Variants in HERC1 observed in about 807,000 individuals in gnomAD.
HERC1 encodes probable E3 ubiquitin-protein ligase HERC1.
Under a neutral mutation model 554.3 loss-of-function variants are expected in HERC1, and 160 were observed. That is an observed-to-expected ratio of 0.29 (90% CI 0.25 to 0.33). The LOEUF is 0.33. HERC1 is among the 10% of genes least tolerant of loss of function. The probability of loss-of-function intolerance (pLI) is 1.00; values close to 1 mark genes in which losing one functional copy is unlikely to be tolerated. For missense variants in HERC1, 4,919 were observed against 5,918.5 expected (o/e 0.83, Z 5.54); for synonymous variants, 2,175 against 2,131.7 (o/e 1.02, Z -0.56).
At chr15:63,721,548 G>A (rs1394954130) in intron 19 of HERC1, among the ~76,000 whole-genome samples, 2 of 151,976 alleles carry the variant, frequency 1.3e-5, no homozygotes, top group Admixed American at 1.3e-4. Flanking sequence ...ACAAAAAAAA[G>A]ATGAGATTAA....
intron 1 of HERC1, among the ~76,000 whole-genome samples, chr15:63,832,198 CTT>C (rs1219679540): frequency 1.3e-5 from 2 of 152,106 alleles, no homozygotes; most frequent in Non-Finnish European, 2.9e-5. Context: ...CTAATGCTAT[CTT>C]TTCTCAAATA....
rs530740922 is a variant in HERC1, at chr15:63,799,333, T to C, written c.-26-23684A>G. Among the ~76,000 whole-genome samples, 28 of 151,964 alleles carry C rather than the reference T, an allele frequency of 1.8e-4. No homozygotes were observed. In the South Asian group the frequency reaches 5.8e-3, roughly 32 times the overall value. On this transcript the variant is annotated intron_variant, in intron 1 of 77. Coordinates refer to ENST00000443617, the MANE Select transcript of HERC1 (RefSeq NM_003922.4). ...CTGGGAAATATGGCAAAACCCTGTC[T>C]CTCCAAAAATTAAAAAATTAGCCAG...
chr15:63,801,594 T>C (rs766673916), intron 1 of HERC1, among the ~76,000 whole-genome samples: 7 of 152,214 alleles, frequency 4.6e-5, no homozygotes, highest in Non-Finnish European at 7.3e-5. Flanking sequence ...CTAGTGTTTA[T>C]TAGCATAGGT....
chr15:63,741,262 C>T (rs371187803), intron 12 of HERC1, among the ~76,000 whole-genome samples: 16 of 151,486 alleles, frequency 1.1e-4, no homozygotes, highest in African/African-American at 3.9e-4. Context: ...CTCCTGACCT[C>T]GTGATCCACC....
intron 14 of HERC1, among the ~76,000 whole-genome samples, chr15:63,730,289 T>TA (rs1344905571): frequency 3.3e-5 from 5 of 151,800 alleles, no homozygotes; most frequent in South Asian, 4.2e-4. Flanking sequence ...ACTTCACCTC[T>TA]AAAAAAATTT....
At chr15:63,649,462 G>C (rs2069556983) in intron 54 of HERC1, among the ~76,000 whole-genome samples, 2 of 152,086 alleles carry the variant, frequency 1.3e-5, no homozygotes, top group Non-Finnish European at 2.9e-5. Flanking sequence ...CTTGGAATCT[G>C]CTATAAATAT....
chr15:63,658,444 G>A, intron 48 of HERC1, 100 bp downstream of exon 48: 1 of 987,600 alleles, frequency 1.0e-6, no homozygotes, highest in Non-Finnish European at 1.5e-6. Flanking sequence ...ACATATTCAA[G>A]CTTCTAAAAT....
rs1257972780 is a variant in HERC1, at chr15:63,640,334, G to C, written c.11719C>G (p.Pro3907Ala). The C allele has an allele frequency of 6.2e-7, 1 of 1,613,812 alleles. No individual in the cohort carries two copies. The highest frequency in any genetic ancestry group is 2.2e-5 in the East Asian group (1 of 44,900). ...DQLLCNPPVP[P>A]HHQNCLPDPA... ...TCAGGGAGACAGTTCTGGTGGTGTGGTGGCACTGGAGGGTTACACAACAGC... is the reference window on the plus strand; with the variant it reads ...TCAGGGAGACAGTTCTGGTGGTGTGCTGGCACTGGAGGGTTACACAACAGC... The change falls in exon 61 of 78, where the codon CCA becomes GCA. Residue 3907 changes from proline (P) to alanine (A), a missense_variant. This residue lies in a region of HERC1 where 1,963 missense variants were observed against 2,228.6 expected (regional missense o/e 0.88). Coordinates refer to ENST00000443617, the MANE Select transcript of HERC1 (RefSeq NM_003922.4).
chr15:63,615,332 A>C (rs1005023195), intron 76 of HERC1, among the ~76,000 whole-genome samples: 3 of 152,206 alleles, frequency 2.0e-5, no homozygotes, highest in African/African-American at 7.2e-5. Context: ...GGAATCACCA[A>C]GTGCGGTGGC....
At chr15:63,728,136 AATTTACTCAAGAAATATTT>A (rs1314643364) in intron 16 of HERC1, among the ~76,000 whole-genome samples, 7 of 152,162 alleles carry the variant, frequency 4.6e-5, no homozygotes, top group East Asian at 3.9e-4. Flanking sequence ...TTCATTTTAT[AATTTACTCAAGAAATATTT>A]ATTTACTCAA....
At chr15:63,790,225 T>C (rs1462695378) in intron 1 of HERC1, among the ~76,000 whole-genome samples, 1 of 152,248 alleles carries the variant, frequency 6.6e-6, no homozygotes, top group African/African-American at 2.4e-5. Context: ...ATGATCATTA[T>C]CATTTTATTA....
intron 2 of HERC1, among the ~76,000 whole-genome samples, chr15:63,766,078 C>T (rs1383739638): frequency 1.3e-5 from 2 of 152,062 alleles, no homozygotes; most frequent in East Asian, 1.9e-4. Flanking sequence ...TAGCCTCAAC[C>T]TCCTGGGCTC....
chr15:63,729,839 A>G (rs1420701782), intron 14 of HERC1, among the ~76,000 whole-genome samples, 190 bp from the exon 15 acceptor site: 1 of 151,938 alleles, frequency 6.6e-6, no homozygotes, highest in Non-Finnish European at 1.5e-5. Context: ...CCTGGCCAAC[A>G]TGGTGAAACC....
intron 1 of HERC1, among the ~76,000 whole-genome samples, chr15:63,823,996 CTT>C: frequency 6.6e-6 from 1 of 152,108 alleles, no homozygotes; most frequent in South Asian, 2.1e-4. Context: ...GGGCAAATGA[CTT>C]GAATAGATAT....
chr15:63,691,632 C>T (rs2072116796), intron 31 of HERC1, among the ~76,000 whole-genome samples: 1 of 150,634 alleles, frequency 6.6e-6, no homozygotes, highest in African/African-American at 2.4e-5. Flanking sequence ...TAAGCCTTAC[C>T]TTATTAAAGG....
intron 1 of HERC1, among the ~76,000 whole-genome samples, chr15:63,814,627 T>C (rs2077433567): frequency 6.6e-6 from 1 of 152,146 alleles, no homozygotes; most frequent in Non-Finnish European, 1.5e-5. Context: ...CAGCTACTTT[T>C]TGTACTAGTT....
intron 21 of HERC1, among the ~76,000 whole-genome samples, chr15:63,717,039 A>C (rs1023060694): frequency 2.6e-5 from 4 of 152,214 alleles, no homozygotes; most frequent in African/African-American, 7.2e-5. Flanking sequence ...AAAGAAAAGA[A>C]TCCTTAAAAC....
Position 63,656,304 on chromosome 15 carries a change from G to T in HERC1, c.9654C>A (p.Ile3218=), listed in dbSNP as rs1315523931. ...AGCACATTAATCGAACTAGCGTTCG[G>T]ATATCTGTTAGCCCCAGAGACTCAA... ...AGLESLGLTD[I]RTLVRLMCLA... Residue 3218 remains isoleucine, a synonymous_variant, in exon 49 of 78, where the codon ATC becomes ATA. Coordinates refer to ENST00000443617, the MANE Select transcript of HERC1 (RefSeq NM_003922.4). The T allele has an allele frequency of 6.2e-7, 1 of 1,613,762 alleles. No homozygotes were observed. The highest frequency in any genetic ancestry group is 8.5e-7 in the Non-Finnish European group (1 of 1,179,878).
chr15:63,642,884 G>C, intron 59 of HERC1, 73 bp downstream of exon 59: 1 of 842,674 alleles, frequency 1.2e-6, no homozygotes, highest in Non-Finnish European at 2.0e-6. Context: ...CCATAAAGTG[G>C]GGTGGTTAGA....
Sources: gnomAD v4.1 joint callset for allele counts (sites outside exome capture counted in the v4.1 genomes callset) on GRCh38, gnomAD v4.1.1 for gene constraint, gnomAD v4.1.1 regional missense constraint, MANE v1.5 for transcripts, NCBI Gene and HGNC (gene_info 2026-07-23, HGNC 2026-07-21) for gene names.